Variants in STXBP5L observed in about 807,000 individuals in gnomAD.
The protein encoded by STXBP5L is syntaxin-binding protein 5-like.
Under a neutral mutation model 144.5 loss-of-function variants are expected in STXBP5L, and 65 were observed. The ratio of observed to expected loss-of-function variants is 0.45; its 90% confidence interval spans 0.37 to 0.55. The LOEUF (loss-of-function observed/expected upper bound fraction) is 0.55. STXBP5L is among the 20% of genes least tolerant of loss of function. The pLI, the probability that STXBP5L is intolerant of heterozygous loss-of-function variation, is 0.00. For synonymous variants in STXBP5L, 505 were observed against 469.6 expected, an observed-to-expected ratio of 1.08 and a Z score of -0.97; for missense variants, 1,298 against 1,405.5, an observed-to-expected ratio of 0.92 and a Z score of 1.22.
intron 19 of STXBP5L, among the ~76,000 whole-genome samples, chr3:121,291,006 CT>C (rs1243674992): frequency 6.6e-6 from 1 of 152,064 alleles, no homozygotes; most frequent in Non-Finnish European, 1.5e-5. Context: ...AAGATGCCCA[CT>C]TTCACCACTT....
intron 8 of STXBP5L, among the ~76,000 whole-genome samples, chr3:121,155,414 C>T (rs1226147881): frequency 1.3e-5 from 2 of 151,846 alleles, no homozygotes; most frequent in Admixed American, 6.6e-5. Flanking sequence ...GACAATTTAA[C>T]TAGCCTCTTC....
At chr3:121,003,950 T>C (rs1055743977) in intron 3 of STXBP5L, among the ~76,000 whole-genome samples, 5 of 152,214 alleles carry the variant, frequency 3.3e-5, no homozygotes, top group Non-Finnish European at 7.3e-5. Flanking sequence ...TTGGTTACTG[T>C]AGCCTTGCAG....
intron 18 of STXBP5L, among the ~76,000 whole-genome samples, chr3:121,265,481 G>A (rs2050532137): frequency 6.6e-6 from 1 of 152,160 alleles, no homozygotes; most frequent in African/African-American, 2.4e-5. Context: ...AGTGTTTAGA[G>A]GGACATTTAC....
chr3:121,411,110 T>C (rs879610333), intron 23 of STXBP5L, among the ~76,000 whole-genome samples: 1 of 152,132 alleles, frequency 6.6e-6, no homozygotes, highest in Admixed American at 6.6e-5. Flanking sequence ...CTTTTTAAGA[T>C]ATTAGGTAAT....
At chr3:121,201,499 T>C (rs2048136860) in intron 9 of STXBP5L, among the ~76,000 whole-genome samples, 1 of 152,230 alleles carries the variant, frequency 6.6e-6, no homozygotes, top group African/African-American at 2.4e-5. Context: ...TTGGAGACTT[T>C]AGCCCATTTA....
chr3:121,291,480 C>A (rs998694867), intron 19 of STXBP5L, among the ~76,000 whole-genome samples: 1 of 152,096 alleles, frequency 6.6e-6, no homozygotes, highest in Non-Finnish European at 1.5e-5. Context: ...ACCATGCTAT[C>A]AAAAGCAATC....
chr3:121,319,116 T>G (rs1208206685), intron 20 of STXBP5L, among the ~76,000 whole-genome samples: 1 of 152,162 alleles, frequency 6.6e-6, no homozygotes, highest in East Asian at 1.9e-4. Flanking sequence ...AACAGTTATT[T>G]TTGGGTGGTG....
chr3:120,989,060 C>T (rs1316658229), intron 3 of STXBP5L, among the ~76,000 whole-genome samples: 3 of 152,050 alleles, frequency 2.0e-5, no homozygotes, highest in South Asian at 2.1e-4. Flanking sequence ...ATTTCTCTTA[C>T]TATCCATCGA....
At chr3:121,014,333 G>T (rs369314294) in intron 3 of STXBP5L, among the ~76,000 whole-genome samples, 1 of 151,652 alleles carries the variant, frequency 6.6e-6, no homozygotes, top group Non-Finnish European at 1.5e-5. Context: ...AACATCCACC[G>T]TAGGAAAACA....
At chr3:121,178,559 C>A (rs955894150) in intron 9 of STXBP5L, among the ~76,000 whole-genome samples, 1 of 151,998 alleles carries the variant, frequency 6.6e-6, no homozygotes, top group Non-Finnish European at 1.5e-5. Flanking sequence ...TATAAAAACT[C>A]TTTTTAAAAC....
intron 5 of STXBP5L, among the ~76,000 whole-genome samples, chr3:121,061,573 A>C (rs1438613927): frequency 6.6e-6 from 1 of 152,196 alleles, no homozygotes; most frequent in Non-Finnish European, 1.5e-5. Flanking sequence ...TGGGGTGTTA[A>C]AGTCTCTCAC....
intron 2 of STXBP5L, among the ~76,000 whole-genome samples, chr3:120,941,604 T>G (rs1710569640): frequency 6.6e-6 from 1 of 151,816 alleles, no homozygotes; most frequent in African/African-American, 2.4e-5. Flanking sequence ...AAGGAATTTA[T>G]TTAAATATTT....
intron 8 of STXBP5L, among the ~76,000 whole-genome samples, chr3:121,153,279 A>G (rs907625305): frequency 1.3e-5 from 2 of 152,066 alleles, no homozygotes; most frequent in African/African-American, 4.8e-5. Context: ...GAGGCTAATA[A>G]GAAGACCGTA....
At chr3:121,372,331 G>T (rs926005161) in intron 20 of STXBP5L, among the ~76,000 whole-genome samples, 2 of 152,158 alleles carry the variant, frequency 1.3e-5, no homozygotes, top group Non-Finnish European at 2.9e-5. Context: ...TAGGGTTAAA[G>T]CTCTTATGGG....
At chr3:120,973,507 A>T (rs1354659898) in intron 3 of STXBP5L, among the ~76,000 whole-genome samples, 1 of 151,970 alleles carries the variant, frequency 6.6e-6, no homozygotes, top group Admixed American at 6.6e-5. Flanking sequence ...ATTTTCTAAA[A>T]TATTTTCAGA....
intron 3 of STXBP5L, among the ~76,000 whole-genome samples, chr3:120,997,655 G>A (rs931691706): frequency 1.3e-5 from 2 of 151,896 alleles, no homozygotes; most frequent in African/African-American, 4.8e-5. Flanking sequence ...TTGTTTTTAA[G>A]CTTTTGTAGT....
chr3:121,277,627 T>C (rs1236840739), intron 18 of STXBP5L, among the ~76,000 whole-genome samples: 3 of 152,128 alleles, frequency 2.0e-5, no homozygotes, highest in Middle Eastern at 3.4e-3. Flanking sequence ...TCTATTGAGC[T>C]ATTTTTTCCT....
At chr3:120,935,556 A>G (rs1411238775) in intron 2 of STXBP5L, among the ~76,000 whole-genome samples, 4 of 152,026 alleles carry the variant, frequency 2.6e-5, no homozygotes, top group Non-Finnish European at 4.4e-5. Flanking sequence ...AGGAAGATCT[A>G]CTGGTGACAA....
chr3:121,210,025 G>C (rs1206741099), intron 10 of STXBP5L, among the ~76,000 whole-genome samples: 3 of 152,178 alleles, frequency 2.0e-5, no homozygotes, highest in Non-Finnish European at 2.9e-5. Flanking sequence ...TTCCACAATG[G>C]TTGAACTAGT....
Sources: allele counts gnomAD v4.1 joint callset (sites outside exome capture counted in the v4.1 genomes callset), GRCh38; gene constraint gnomAD v4.1.1; transcripts MANE v1.5; gene names NCBI Gene and HGNC (gene_info 2026-07-23, HGNC 2026-07-21).